XRCC4: variants seen among roughly 807,000 people sequenced by gnomAD.
The protein encoded by XRCC4 is X-ray repair cross complementing 4.
In XRCC4, 28 loss-of-function variants were observed where a neutral mutation model predicts 39.1. The observed-to-expected ratio is 0.72, with a 90% CI of 0.53 to 0.98. The LOEUF (loss-of-function observed/expected upper bound fraction) is 0.98. Among genes scored for constraint, XRCC4 ranks in the 50% least tolerant of loss-of-function variants. The probability of loss-of-function intolerance (pLI) is 0.00; values close to 1 mark genes in which losing one functional copy is unlikely to be tolerated. For synonymous variants in XRCC4, 123 were observed against 126.4 expected, an observed-to-expected ratio of 0.97 and a Z score of 0.18; for missense variants, 350 against 376.4, an observed-to-expected ratio of 0.93 and a Z score of 0.58.
intron 7 of XRCC4, among the ~76,000 whole-genome samples, chr5:83,282,966 C>CT (rs937214164): frequency 2.0e-5 from 3 of 147,900 alleles, no homozygotes; most frequent in Non-Finnish European, 4.5e-5. Flanking sequence ...TGGGTAGTGA[C>CT]TTTTTTGTTT....
At chr5:83,173,262 A>G (rs992057127) in intron 3 of XRCC4, among the ~76,000 whole-genome samples, 3 of 152,130 alleles carry the variant, frequency 2.0e-5, no homozygotes, top group Non-Finnish European at 4.4e-5. Flanking sequence ...TTATGTTCCT[A>G]TATGTTGACA....
chr5:83,103,148 A>G (rs918587116), intron 1 of XRCC4, among the ~76,000 whole-genome samples: 1 of 151,746 alleles, frequency 6.6e-6, no homozygotes, highest in Non-Finnish European at 1.5e-5. Flanking sequence ...TTATTTAAAC[A>G]TGCGTGTCTG....
chr5:83,323,761 C>G (rs570286486), intron 7 of XRCC4, among the ~76,000 whole-genome samples: 2 of 152,008 alleles, frequency 1.3e-5, no homozygotes, highest in East Asian at 1.9e-4. Context: ...GCAGACTAGA[C>G]AGAACTTGGG....
chr5:83,213,206 C>T (rs1751723284), intron 6 of XRCC4, among the ~76,000 whole-genome samples: 2 of 151,948 alleles, frequency 1.3e-5, no homozygotes, highest in Non-Finnish European at 2.9e-5. Context: ...TTAACAGATT[C>T]ATTGGTAACA....
chr5:83,176,490 G>T (rs1025481122), intron 3 of XRCC4, among the ~76,000 whole-genome samples: 3 of 152,160 alleles, frequency 2.0e-5, no homozygotes, highest in Non-Finnish European at 2.9e-5. Context: ...ACTTTCTTAA[G>T]AAGGAAGGTT....
intron 7 of XRCC4, among the ~76,000 whole-genome samples, chr5:83,291,930 A>G (rs554492216): frequency 6.9e-6 from 1 of 144,148 alleles, no homozygotes; most frequent in East Asian, 2.0e-4. Context: ...TATAAATACT[A>G]TATATGTTAT....
intron 4 of XRCC4, among the ~76,000 whole-genome samples, chr5:83,202,885 T>A (rs1472734237): frequency 6.6e-6 from 1 of 152,188 alleles, no homozygotes; most frequent in East Asian, 1.9e-4. Context: ...ATGGGATGAA[T>A]TAAAAACAAT....
chr5:83,371,561 T>A, the XRCC4 span, among the ~76,000 whole-genome samples: 1 of 152,142 alleles, frequency 6.6e-6, no homozygotes, highest in Non-Finnish European at 1.5e-5. Context: ...GAGCTGAGGA[T>A]GAAGTGAACT....
intron 1 of XRCC4, among the ~76,000 whole-genome samples, chr5:83,089,917 A>G (rs1745344847): frequency 6.6e-6 from 1 of 152,216 alleles, no homozygotes; most frequent in African/African-American, 2.4e-5. Flanking sequence ...ACTTAGGAAC[A>G]GCCAAATGAG....
In XRCC4 at chr5:83,105,091, A is replaced by G. The variant is rs760440188; in HGVS notation, c.139+33A>G. On this transcript the variant is annotated intron_variant, in intron 2 of 7. Transcript: ENST00000396027. The stretch of plus-strand genomic sequence containing the variant: ...TAAAAACAAAGTTTTTATAAGTAAA[A>G]TTTAAGTGTGCTATTCTTCAGTCCT... 3.0e-5 allele frequency: 48 copies of G among 1,585,528 alleles called. 1 individual carries two copies. The South Asian group carries it at 5.1e-4, about 17-fold the overall frequency.
At chr5:83,193,071 A>G (rs961398802) in intron 3 of XRCC4, among the ~76,000 whole-genome samples, 2 of 152,212 alleles carry the variant, frequency 1.3e-5, no homozygotes, top group African/African-American at 4.8e-5. Context: ...GACTGGGTGT[A>G]GAGGTAGAAC....
chr5:83,273,604 G>A (rs546254313), intron 7 of XRCC4, among the ~76,000 whole-genome samples: 1 of 152,160 alleles, frequency 6.6e-6, no homozygotes. Context: ...TAAGGTGTAA[G>A]GAAGGGATCT....
At chr5:83,215,051 G>A (rs1002590358) in intron 6 of XRCC4, among the ~76,000 whole-genome samples, 1 of 151,920 alleles carries the variant, frequency 6.6e-6, no homozygotes. Flanking sequence ...ATTTAGTATT[G>A]TTGGCCGGGT....
At chr5:83,169,646 T>C (rs1319276083) in intron 3 of XRCC4, among the ~76,000 whole-genome samples, 3 of 152,204 alleles carry the variant, frequency 2.0e-5, no homozygotes, top group African/African-American at 7.2e-5. Flanking sequence ...TTTTCTTCTC[T>C]AAATTTAAAG....
At chr5:83,186,842 T>C (rs1037457474) in intron 3 of XRCC4, among the ~76,000 whole-genome samples, 8 of 152,292 alleles carry the variant, frequency 5.3e-5, no homozygotes, top group African/African-American at 1.9e-4. Flanking sequence ...AAAATGTCAG[T>C]AGGGCTGTGT....
At chr5:83,167,362 G>A (rs754084271) in intron 3 of XRCC4, among the ~76,000 whole-genome samples, 3 of 152,082 alleles carry the variant, frequency 2.0e-5, no homozygotes, top group Non-Finnish European at 4.4e-5. Flanking sequence ...TAATGTGAGT[G>A]ATCAGATTTG....
chr5:83,303,552 A>G (rs62371878), intron 7 of XRCC4, among the ~76,000 whole-genome samples: 5,514 of 152,274 alleles, frequency 0.036, 169 homozygotes, highest in Admixed American at 0.09. Context: ...ACAATTTACA[A>G]TTCTTCCAAA....
At chr5:83,336,669 G>A (rs28360328) in intron 7 of XRCC4, among the ~76,000 whole-genome samples, 2,888 of 152,230 alleles carry the variant, frequency 0.019, 88 homozygotes, top group African/African-American at 0.065. Flanking sequence ...TTAATGAAGC[G>A]TAGGTTAATA....
At chr5:83,135,716 G>A (rs1747865189) in intron 3 of XRCC4, among the ~76,000 whole-genome samples, 1 of 151,790 alleles carries the variant, frequency 6.6e-6, no homozygotes, top group African/African-American at 2.4e-5. Flanking sequence ...TGTCTAATGT[G>A]TTGTTTTTTT....
Sources: gnomAD v4.1 joint callset for allele counts (sites outside exome capture counted in the v4.1 genomes callset) on GRCh38, gnomAD v4.1.1 for gene constraint, MANE v1.5 for transcripts, NCBI Gene and HGNC (gene_info 2026-07-23, HGNC 2026-07-21) for gene names.